The following R3HCC1L variants were observed in gnomAD, a reference collection of about 807,000 sequenced individuals.
R3HCC1L encodes the protein R3H domain and coiled-coil containing 1 like.
Under a neutral mutation model 59.9 loss-of-function variants are expected in R3HCC1L, and 51 were observed. The observed-to-expected ratio is 0.85, with a 90% CI of 0.68 to 1.07. R3HCC1L has a LOEUF of 1.07. R3HCC1L is among the 50% of genes least tolerant of loss of function. The probability of loss-of-function intolerance (pLI) is 0.00; values close to 1 mark genes in which losing one functional copy is unlikely to be tolerated. For synonymous variants in R3HCC1L, 322 were observed against 315.2 expected (o/e 1.02, Z -0.23); for missense variants, 965 against 933.0 (o/e 1.03, Z -0.45).
At chr10:98,150,944 T>C (rs922970018) in intron 1 of R3HCC1L, among the ~76,000 whole-genome samples, 3 of 152,190 alleles carry the variant, frequency 2.0e-5, no homozygotes, top group Non-Finnish European at 4.4e-5. Context: ...GTCCACCTTA[T>C]TCTCTTTTTC....
intron 4 of R3HCC1L, among the ~76,000 whole-genome samples, chr10:98,179,618 G>T (rs1849421900): frequency 1.3e-5 from 2 of 152,156 alleles, no homozygotes; most frequent in Admixed American, 6.5e-5. Flanking sequence ...CTATTGATTG[G>T]AATAGTGTCG....
At chr10:98,215,783 G>A (rs566862709) in intron 5 of R3HCC1L, among the ~76,000 whole-genome samples, 7 of 152,236 alleles carry the variant, frequency 4.6e-5, no homozygotes, top group South Asian at 2.1e-4. Flanking sequence ...ATTGTGATGC[G>A]TCCTAATGTC....
At chr10:98,172,878 AGCTC>A (rs1848650098) in intron 4 of R3HCC1L, among the ~76,000 whole-genome samples, 1 of 152,216 alleles carries the variant, frequency 6.6e-6, no homozygotes, top group Non-Finnish European at 1.5e-5. Flanking sequence ...ATAGTCTTTC[AGCTC>A]CAGACTAAAA....
At chr10:98,162,685 T>TG (rs1167627319) in intron 2 of R3HCC1L, among the ~76,000 whole-genome samples, 198 bp from the exon 3 acceptor site, 4 of 151,860 alleles carry the variant, frequency 2.6e-5, no homozygotes, top group African/African-American at 9.7e-5. Context: ...TGTGTGTGTG[T>TG]GTGTGTGTGT....
At chr10:98,220,482 C>A (rs1319028276) in intron 5 of R3HCC1L, among the ~76,000 whole-genome samples, 1 of 149,266 alleles carries the variant, frequency 6.7e-6, no homozygotes, top group Non-Finnish European at 1.5e-5. Context: ...TGCACTGCAC[C>A]CACTAACTCG....
chr10:98,152,828 A>C (rs1316574475), intron 1 of R3HCC1L, among the ~76,000 whole-genome samples: 6 of 121,302 alleles, frequency 4.9e-5, no homozygotes, highest in Non-Finnish European at 8.8e-5. Context: ...GAGCCCCTCC[A>C]CCCGGCAGCC....
At chr10:98,160,173 C>T (rs568251425) in intron 2 of R3HCC1L, among the ~76,000 whole-genome samples, 149 of 152,318 alleles carry the variant, frequency 9.8e-4, no homozygotes, top group Non-Finnish European at 1.7e-3. Context: ...ATTGTTAACT[C>T]ATACCACCAC....
At chr10:98,238,527 G>T (rs965406223) in intron 9 of R3HCC1L, among the ~76,000 whole-genome samples, 3 of 152,086 alleles carry the variant, frequency 2.0e-5, no homozygotes, top group African/African-American at 7.2e-5. Context: ...TAACTTACAG[G>T]TTATGATGAT....
In R3HCC1L at chr10:98,155,873, T is replaced by G. The variant is rs1043047572; in HGVS notation, c.-267-220T>G. Among the ~76,000 whole-genome samples, 16 of 152,132 alleles carry G rather than the reference T, an allele frequency of 1.1e-4. 1 individual carries two copies. In the South Asian group the frequency reaches 1.7e-3, roughly 16 times the overall value. On this transcript the variant is annotated intron_variant, in intron 1 of 9. Transcript: ENST00000298999. ...AGTTTTAGTGTTATTAAATACCATC[T>G]CCACTGCTGCTTCTCCCTAGCTTCT...
intron 1 of R3HCC1L, among the ~76,000 whole-genome samples, chr10:98,149,569 A>G (rs530874414): frequency 4.6e-5 from 7 of 152,302 alleles, no homozygotes; most frequent in African/African-American, 1.7e-4. Flanking sequence ...TTCAAGAAAT[A>G]TTTAAATTTC....
At chr10:98,210,564 C>CT (rs1809858727) in intron 5 of R3HCC1L, among the ~76,000 whole-genome samples, 1 of 152,140 alleles carries the variant, frequency 6.6e-6, no homozygotes, top group African/African-American at 2.4e-5. Context: ...AATTCCTTAC[C>CT]TTAAATAAGA....
chr10:98,205,103 A>G (rs1156655620), intron 4 of R3HCC1L, among the ~76,000 whole-genome samples: 1 of 152,220 alleles, frequency 6.6e-6, no homozygotes, highest in African/African-American at 2.4e-5. Context: ...ATTAAAAACT[A>G]AAGAACATAG....
At chr10:98,213,008 T>C (rs926062878) in intron 5 of R3HCC1L, among the ~76,000 whole-genome samples, 4 of 152,184 alleles carry the variant, frequency 2.6e-5, no homozygotes, top group African/African-American at 4.8e-5. Flanking sequence ...CCCACCCATC[T>C]TACTTCTCAG....
In R3HCC1L at chr10:98,198,591, A is replaced by G. The variant is rs149254913; in HGVS notation, c.-14-9510A>G. ...GGAAAAATGCTTCTAAATTTGTTGG[A>G]GCTGACTTTTGCCTCTCAGATTGTT... On this transcript the variant is annotated intron_variant, in intron 4 of 9. Coordinates refer to ENST00000298999, the MANE Select transcript of R3HCC1L (RefSeq NM_001351015.2). Among the ~76,000 whole-genome samples, 17 of 151,370 alleles carry G rather than the reference A, an allele frequency of 1.1e-4. No individual in the cohort carries two copies. In the East Asian group the frequency reaches 3.3e-3, roughly 29 times the overall value.
chr10:98,205,398 T>G (rs1049322492), intron 4 of R3HCC1L, among the ~76,000 whole-genome samples: 3 of 152,226 alleles, frequency 2.0e-5, no homozygotes, highest in Non-Finnish European at 4.4e-5. Context: ...ATTTCTTGAT[T>G]GTCTAGACTT....
chr10:98,210,031 T>A, intron 5 of R3HCC1L, 132 bp downstream of exon 5: 1 of 677,510 alleles, frequency 1.5e-6, no homozygotes, highest in Non-Finnish European at 2.4e-6. Context: ...GCTTGTAGAT[T>A]AAGAAGAGAA....
At chr10:98,171,086 C>G (rs1848464764) in intron 4 of R3HCC1L, among the ~76,000 whole-genome samples, 1 of 152,310 alleles carries the variant, frequency 6.6e-6, no homozygotes, top group East Asian at 1.9e-4. Flanking sequence ...ACACTTAACC[C>G]TCATTGCCTT....
chr10:98,239,313 C>G (rs571675766), intron 9 of R3HCC1L, among the ~76,000 whole-genome samples: 4 of 152,152 alleles, frequency 2.6e-5, no homozygotes, highest in African/African-American at 7.2e-5. Context: ...ATTGTTAAAT[C>G]AGTCATGACA....
chr10:98,147,965 A>C (rs1845816828), intron 1 of R3HCC1L, among the ~76,000 whole-genome samples: 1 of 152,138 alleles, frequency 6.6e-6, no homozygotes, highest in Admixed American at 6.5e-5. Context: ...GTATTTTGAT[A>C]GAGATTGCAT....
Sources: allele counts gnomAD v4.1 joint callset (sites outside exome capture counted in the v4.1 genomes callset), GRCh38; gene constraint gnomAD v4.1.1; transcripts MANE v1.5; gene names NCBI Gene and HGNC (gene_info 2026-07-23, HGNC 2026-07-21).